NFAT5: variants seen among roughly 807,000 people sequenced by gnomAD.
NFAT5 encodes the protein nuclear factor of activated T-cells 5.
NFAT5 carries 31 observed loss-of-function variants against 166.5 expected under a neutral mutation model. That is an observed-to-expected ratio of 0.19 (90% confidence interval 0.14 to 0.25). The LOEUF (loss-of-function observed/expected upper bound fraction) is 0.25. NFAT5 is among the 10% of genes least tolerant of loss of function. The probability of loss-of-function intolerance (pLI) is 1.00; values close to 1 mark genes in which losing one functional copy is unlikely to be tolerated. For missense variants in NFAT5, 1,449 were observed against 1,821.8 expected (o/e 0.80, Z 3.72); for synonymous variants, 612 against 639.7 (o/e 0.96, Z 0.65).
At chr16:69,610,310 CAGAA>C (rs1053196945) in intron 2 of NFAT5, among the ~76,000 whole-genome samples, 5 of 151,906 alleles carry the variant, frequency 3.3e-5, no homozygotes, top group African/African-American at 9.7e-5. Context: ...CTGGTAATGA[CAGAA>C]AGGAAAACAA....
At chr16:69,586,043 T>G (rs1360404113) in intron 2 of NFAT5, among the ~76,000 whole-genome samples, 1 of 151,408 alleles carries the variant, frequency 6.6e-6, no homozygotes, top group Non-Finnish European at 1.5e-5. Context: ...AAAAATGCTT[T>G]CAAAAAACAA....
chr16:69,640,476 G>A (rs2035156486), intron 3 of NFAT5, among the ~76,000 whole-genome samples: 1 of 152,202 alleles, frequency 6.6e-6, no homozygotes, highest in African/African-American at 2.4e-5. Flanking sequence ...CAGCCACTTT[G>A]TGTGTTCTAG....
At chr16:69,598,573 A>T (rs762114198) in intron 2 of NFAT5, among the ~76,000 whole-genome samples, 1 of 152,096 alleles carries the variant, frequency 6.6e-6, no homozygotes, top group Non-Finnish European at 1.5e-5. Context: ...AGTTTGGGAT[A>T]TGTTGAAATT....
At chr16:69,649,400 T>C (rs1208206003) in intron 4 of NFAT5, 1 of 982,416 alleles carries the variant, frequency 1.0e-6, no homozygotes, top group Non-Finnish European at 1.2e-6. Flanking sequence ...TAATTAAATA[T>C]CTTGACCTTC....
intron 8 of NFAT5, 53 bp from the exon 9 acceptor site, chr16:69,670,183 A>C: frequency 6.4e-7 from 1 of 1,570,898 alleles, no homozygotes; most frequent in Non-Finnish European, 8.6e-7. Context: ...TCATAGCTAC[A>C]GAGTAAAAAA....
At chr16:69,649,618 A>G (rs1414873545) in intron 4 of NFAT5, 18 of 886,338 alleles carry the variant, frequency 2.0e-5, no homozygotes, top group Non-Finnish European at 2.3e-5. Flanking sequence ...GAAGAATTTT[A>G]AAATTGGAAT....
chr16:69,639,516 A>G (rs2035112636), intron 3 of NFAT5, among the ~76,000 whole-genome samples: 2 of 152,202 alleles, frequency 1.3e-5, no homozygotes, highest in Non-Finnish European at 2.9e-5. Flanking sequence ...GATGTCTGCA[A>G]TAAATCAGAA....
chr16:69,589,992 T>G (rs1234496840), intron 2 of NFAT5, among the ~76,000 whole-genome samples: 1 of 151,780 alleles, frequency 6.6e-6, no homozygotes, highest in Non-Finnish European at 1.5e-5. Flanking sequence ...CCAACCCCCC[T>G]CCCCAACTGT....
chr16:69,648,176 CAAA>C (rs758046361), intron 4 of NFAT5: 3 of 710,320 alleles, frequency 4.2e-6, no homozygotes, highest in Non-Finnish European at 4.9e-6. Context: ...AACTCCATCT[CAAA>C]AAAAAAAAAA....
At chr16:69,592,822 A>C (rs568701816) in intron 2 of NFAT5, among the ~76,000 whole-genome samples, 1 of 152,348 alleles carries the variant, frequency 6.6e-6, no homozygotes, top group Non-Finnish European at 1.5e-5. Context: ...ACATTTGATC[A>C]TTAAATGGAA....
chr16:69,586,098 G>T (rs888892500), intron 2 of NFAT5, among the ~76,000 whole-genome samples: 6 of 152,114 alleles, frequency 3.9e-5, no homozygotes, highest in African/African-American at 9.7e-5. Flanking sequence ...TGTAAAGTTT[G>T]TGAGACATAA....
At chr16:69,669,506 C>T (rs931826649) in intron 7 of NFAT5, among the ~76,000 whole-genome samples, 1 of 152,062 alleles carries the variant, frequency 6.6e-6, no homozygotes, top group Non-Finnish European at 1.5e-5. Flanking sequence ...GATCACACCT[C>T]TGCATTCTAG....
chr16:69,603,777 A>G (rs1397290156), intron 2 of NFAT5, among the ~76,000 whole-genome samples: 1 of 152,152 alleles, frequency 6.6e-6, no homozygotes, highest in Non-Finnish European at 1.5e-5. Flanking sequence ...ATATTTCTGT[A>G]TTAAGGTCTG....
intron 2 of NFAT5, among the ~76,000 whole-genome samples, chr16:69,610,347 T>C (rs565845422): frequency 6.6e-6 from 1 of 152,250 alleles, no homozygotes; most frequent in East Asian, 1.9e-4. Context: ...TTGGTTTTTG[T>C]TTGTCTAATA....
intron 2 of NFAT5, among the ~76,000 whole-genome samples, chr16:69,622,510 A>T (rs769034133): frequency 6.6e-6 from 1 of 152,166 alleles, no homozygotes; most frequent in Non-Finnish European, 1.5e-5. Flanking sequence ...GTGGAATATA[A>T]CAAGTTCTGC....
intron 2 of NFAT5, among the ~76,000 whole-genome samples, chr16:69,578,002 T>A (rs2031401277): frequency 6.6e-6 from 1 of 150,862 alleles, no homozygotes; most frequent in Non-Finnish European, 1.5e-5. Context: ...AAAAAAAAAT[T>A]TTTTTTTTTA....
chr16:69,701,930 AT>A lies in NFAT5; in HGVS notation c.*5581del, dbSNP rs1213029319. The A allele has an allele frequency of 1.3e-5, 2 of 152,352 alleles. No homozygotes were observed. Among genetic ancestry groups the A allele is most frequent in the Non-Finnish European group, 2.9e-5 (2 of 68,024 alleles). The allele number at this position is 152,352 out of a possible 1,614,324, so 9.4% of individuals were successfully genotyped here. A position where few individuals can be genotyped will look rare whatever the true frequency, so the allele number is the denominator to read the frequency against. ...TCTGACTCCCTCCAGACCTAAGATA[AT>A]TCCTTTTGATCAGATACAGTCAGAT... is the stretch of plus-strand genomic sequence containing the variant. On this transcript the variant is annotated 3_prime_UTR_variant, in exon 15 of 15. Transcript: ENST00000349945.
In NFAT5 at chr16:69,569,610, C is replaced by T. The variant is rs187080703; in HGVS notation, c.127+1062C>T. Among the ~76,000 whole-genome samples the T allele has an allele frequency of 2.2e-3, 338 of 152,244 alleles. 2 individuals are homozygous for T. The highest frequency in any genetic ancestry group is 5.8e-3 in the South Asian group (28 of 4,822). ...TGTGACTTCGGGCAAGTGATTTTAC[C>T]TCTCTAAACTTTAATATTCTTCCTG... On this transcript the variant is annotated intron_variant, in intron 2 of 14. Coordinates refer to ENST00000349945, the MANE Select transcript of NFAT5 (RefSeq NM_138713.4).
intron 7 of NFAT5, among the ~76,000 whole-genome samples, chr16:69,665,588 A>G (rs1451326895): frequency 1.2e-5 from 1 of 86,082 alleles, no homozygotes; most frequent in African/African-American, 5.8e-5. Context: ...AAGAGAATAA[A>G]ATACCTAGGA....
Sources: gnomAD v4.1 joint callset for allele counts (sites outside exome capture counted in the v4.1 genomes callset) on GRCh38, gnomAD v4.1.1 for gene constraint, MANE v1.5 for transcripts, NCBI Gene and HGNC (gene_info 2026-07-23, HGNC 2026-07-21) for gene names.